AFG2A: variants seen among roughly 807,000 people sequenced by gnomAD.
AFG2A encodes ATPase family gene 2 protein homolog A.
chr4:122,926,706 T>G, the AFG2A span, among the ~76,000 whole-genome samples: 2 of 152,352 alleles, frequency 1.3e-5, no homozygotes, highest in Non-Finnish European at 2.9e-5. Flanking sequence ...CAATAAATTT[T>G]ATAATGAAGT....
At chr4:123,051,063 A>T in the AFG2A span, among the ~76,000 whole-genome samples, 1 of 151,846 alleles carries the variant, frequency 6.6e-6, no homozygotes. Flanking sequence ...GTCTTTTTTA[A>T]CTAGAGAATT....
At chr4:122,944,797 T>C in the AFG2A span, among the ~76,000 whole-genome samples, 2 of 152,178 alleles carry the variant, frequency 1.3e-5, no homozygotes, top group Non-Finnish European at 2.9e-5. Flanking sequence ...ATGATGGTGA[T>C]GTACAGGTGG....
chr4:122,944,541 A>G, the AFG2A span, among the ~76,000 whole-genome samples: 1 of 151,888 alleles, frequency 6.6e-6, no homozygotes, highest in African/African-American at 2.4e-5. Context: ...ATTCGCCTAA[A>G]TTTTTTTCAA....
chr4:123,301,145 A>G, the AFG2A span, among the ~76,000 whole-genome samples: 3 of 152,206 alleles, frequency 2.0e-5, no homozygotes, highest in African/African-American at 7.2e-5. Context: ...TCGCTATAGA[A>G]AAATATATAA....
chr4:123,004,547 A>G, the AFG2A span, among the ~76,000 whole-genome samples: 7 of 152,172 alleles, frequency 4.6e-5, no homozygotes, highest in Non-Finnish European at 8.8e-5. Context: ...TTGATTTTCA[A>G]TGTTTGAATC....
chr4:123,139,086 A>G, the AFG2A span, among the ~76,000 whole-genome samples: 1 of 152,118 alleles, frequency 6.6e-6, no homozygotes. Flanking sequence ...CTTTGATTAT[A>G]TTATAGCTTT....
the AFG2A span, among the ~76,000 whole-genome samples, chr4:122,985,166 A>C: frequency 0.83 from 123,810 of 148,456 alleles, 52,605 homozygotes; most frequent in East Asian, 0.96. Context: ...GCTCTTGTTG[A>C]CCAGACTGGA....
At chr4:123,162,792 C>A in the AFG2A span, among the ~76,000 whole-genome samples, 76,824 of 151,980 alleles carry the variant, frequency 0.51, 23,557 homozygotes, top group Non-Finnish European at 0.67. Flanking sequence ...GCTACTTACT[C>A]GCTATTTTAA....
At chr4:123,078,105 A>G in the AFG2A span, among the ~76,000 whole-genome samples, 1 of 152,156 alleles carries the variant, frequency 6.6e-6, no homozygotes, top group Non-Finnish European at 1.5e-5. Flanking sequence ...TTGGATAGGC[A>G]TTGGGTGAGA....
At chr4:123,012,620 T>A in the AFG2A span, among the ~76,000 whole-genome samples, 18 of 152,138 alleles carry the variant, frequency 1.2e-4, no homozygotes, top group Non-Finnish European at 2.5e-4. Context: ...TCTTCTCAAG[T>A]CTGTGACCGG....
chr4:123,255,130 ATT>A, the AFG2A span, among the ~76,000 whole-genome samples: 2 of 151,946 alleles, frequency 1.3e-5, no homozygotes, highest in Admixed American at 1.3e-4. Context: ...TGCCCAGCTA[ATT>A]TTTGTATTTT....
the AFG2A span, among the ~76,000 whole-genome samples, chr4:123,279,316 A>G: frequency 2.0e-5 from 3 of 152,058 alleles, no homozygotes; most frequent in Non-Finnish European, 4.4e-5. Flanking sequence ...AGGCTGGGGC[A>G]AGGAAATCAC....
chr4:123,006,898 AT>A, the AFG2A span, among the ~76,000 whole-genome samples: 724 of 112,646 alleles, frequency 6.4e-3, 6 homozygotes, highest in African/African-American at 0.018. Context: ...CATGCTTGTT[AT>A]TTTTTTTTTC....
the AFG2A span, among the ~76,000 whole-genome samples, chr4:123,219,865 GA>G: frequency 6.6e-6 from 1 of 150,972 alleles, no homozygotes; most frequent in South Asian, 2.1e-4. Flanking sequence ...GTAATGAGTT[GA>G]AAAAAAATTT....
At chr4:123,146,042 T>C in the AFG2A span, among the ~76,000 whole-genome samples, 2 of 151,988 alleles carry the variant, frequency 1.3e-5, no homozygotes, top group African/African-American at 4.8e-5. Flanking sequence ...CAGAAAGAGA[T>C]TGATTTGCTG....
At chr4:123,161,419 A>T in the AFG2A span, among the ~76,000 whole-genome samples, 1 of 152,334 alleles carries the variant, frequency 6.6e-6, no homozygotes, top group East Asian at 1.9e-4. Flanking sequence ...AGTGATAATA[A>T]TTACACTAAG....
the AFG2A span, among the ~76,000 whole-genome samples, chr4:122,981,781 G>A: frequency 6.6e-6 from 1 of 151,708 alleles, no homozygotes; most frequent in African/African-American, 2.4e-5. Context: ...TTGTAAATGG[G>A]ATTTTCTTTT....
At chr4:123,164,379 T>C in the AFG2A span, among the ~76,000 whole-genome samples, 1 of 152,102 alleles carries the variant, frequency 6.6e-6, no homozygotes, top group Non-Finnish European at 1.5e-5. Flanking sequence ...ATTTTTTGTT[T>C]TTGAGACAGA....
chr4:123,301,444 T>TA, the AFG2A span, among the ~76,000 whole-genome samples: 2 of 152,176 alleles, frequency 1.3e-5, no homozygotes, highest in African/African-American at 4.8e-5. Context: ...ATAAAAAAGA[T>TA]ACATGAGTGT....
Sources: allele counts gnomAD v4.1 joint callset (sites outside exome capture counted in the v4.1 genomes callset), GRCh38; gene constraint gnomAD v4.1.1; transcripts MANE v1.5; gene names NCBI Gene and HGNC (gene_info 2026-07-23, HGNC 2026-07-21).